Variants in PTPRC observed in about 807,000 individuals in gnomAD.
PTPRC encodes the protein receptor-type tyrosine-protein phosphatase C.
A neutral mutation model predicts 155.9 loss-of-function variants in PTPRC; 44 were observed. The observed-to-expected ratio is 0.28, with a 90% CI of 0.22 to 0.36. The LOEUF (loss-of-function observed/expected upper bound fraction) is 0.36, where lower values mean the gene tolerates loss of function less well. PTPRC is among the 10% of genes least tolerant of loss of function. The probability of loss-of-function intolerance (pLI) is 1.00; values close to 1 mark genes in which losing one functional copy is unlikely to be tolerated. For missense variants in PTPRC, 1,401 were observed against 1,564.6 expected (o/e 0.90, Z 1.76); for synonymous variants, 525 against 533.1 (o/e 0.98, Z 0.21).
rs1409313269 is a variant in PTPRC at position 198,754,423 on chromosome 1, T to G, written c.3645+19T>G. On this transcript the variant is annotated intron_variant, in intron 32 of 32. Transcript: ENST00000442510. Reference sequence around the variant, plus strand: ...CACATTCGTAAGTATCCTTCACCATTGCTTTTAACATGCTCGGAATTTTTT... The same window carrying G: ...CACATTCGTAAGTATCCTTCACCATGGCTTTTAACATGCTCGGAATTTTTT... 1.3e-5 allele frequency: 21 copies of G among 1,613,066 alleles called. No individual in the cohort carries two copies. Among genetic ancestry groups the G allele is most frequent in the Non-Finnish European group, 1.8e-5 (21 of 1,179,528 alleles).
chr1:198,714,957 G>T (rs997683216), intron 12 of PTPRC, among the ~76,000 whole-genome samples: 1 of 152,014 alleles, frequency 6.6e-6, no homozygotes, highest in Admixed American at 6.6e-5. Flanking sequence ...GGTTTAGCAG[G>T]TTTTTTTAAT....
At chr1:198,747,805 G>A (rs1320480366) in intron 26 of PTPRC, among the ~76,000 whole-genome samples, 2 of 151,826 alleles carry the variant, frequency 1.3e-5, no homozygotes, top group Non-Finnish European at 2.9e-5. Flanking sequence ...ATCAACATCG[G>A]TCTAGTGGTT....
chr1:198,649,396 C>T (rs1269301287), intron 2 of PTPRC, among the ~76,000 whole-genome samples: 1 of 151,726 alleles, frequency 6.6e-6, no homozygotes, highest in Non-Finnish European at 1.5e-5. Flanking sequence ...AAGCATAAGA[C>T]ATCAGTTGAG....
intron 6 of PTPRC, among the ~76,000 whole-genome samples, chr1:198,702,764 A>G (rs1001697623): frequency 3.2e-4 from 49 of 152,200 alleles, no homozygotes; most frequent in African/African-American, 1.2e-3. Context: ...AGAATCAATA[A>G]TAGGCCTTAA....
At chr1:198,748,087 C>CTTTT in intron 26 of PTPRC, 22 bp from the exon 27 acceptor site, 2 of 1,313,892 alleles carry the variant, frequency 1.5e-6, no homozygotes, top group East Asian at 2.6e-5. Context: ...AGGAGTTTTT[C>CTTTT]TGTTTTTTTT....
At chr1:198,727,372 C>T (rs1426600191) in intron 15 of PTPRC, among the ~76,000 whole-genome samples, 1 of 152,016 alleles carries the variant, frequency 6.6e-6, no homozygotes, top group Non-Finnish European at 1.5e-5. Context: ...GAGTAAGTTC[C>T]ATGAGGACAG....
chr1:198,671,242 C>A (rs182511693), intron 2 of PTPRC, among the ~76,000 whole-genome samples: 47 of 152,098 alleles, frequency 3.1e-4, no homozygotes, highest in African/African-American at 1.1e-3. Flanking sequence ...ACCAGTATCA[C>A]CCCCCTCACC....
chr1:198,704,671 G>C (rs947996530), intron 8 of PTPRC, among the ~76,000 whole-genome samples, 173 bp downstream of exon 8: 6 of 152,152 alleles, frequency 3.9e-5, no homozygotes, highest in African/African-American at 1.4e-4. Flanking sequence ...CATGGACATA[G>C]AGTTGGGAAT....
chr1:198,748,081 G>A, intron 26 of PTPRC, 28 bp from the exon 27 acceptor site: 1 of 1,471,508 alleles, frequency 6.8e-7, no homozygotes, highest in Non-Finnish European at 9.1e-7. Flanking sequence ...TTTTAAAGGA[G>A]TTTTTCTGTT....
chr1:198,694,137 T>A (rs1242819578), intron 3 of PTPRC: 24 of 1,539,018 alleles, frequency 1.6e-5, no homozygotes, highest in Non-Finnish European at 1.2e-5. Context: ...CACAAACCAC[T>A]GGAGTAAGTC....
intron 2 of PTPRC, among the ~76,000 whole-genome samples, chr1:198,655,518 G>A (rs1156742427): frequency 6.6e-6 from 1 of 152,104 alleles, no homozygotes; most frequent in Admixed American, 6.6e-5. Flanking sequence ...GTTGGATTAG[G>A]CATTTTGGGA....
chr1:198,657,002 T>C (rs1391992410), intron 2 of PTPRC, among the ~76,000 whole-genome samples: 1 of 150,294 alleles, frequency 6.7e-6, no homozygotes, highest in Non-Finnish European at 1.5e-5. Flanking sequence ...AACTCCACCA[T>C]AGGATGGAAT....
At chr1:198,667,874 C>T (rs978381532) in intron 2 of PTPRC, among the ~76,000 whole-genome samples, 1 of 152,050 alleles carries the variant, frequency 6.6e-6, no homozygotes, top group Non-Finnish European at 1.5e-5. Flanking sequence ...GCATTCTAGG[C>T]AGTGCACAGC....
At chr1:198,674,902 AGCT>A (rs1664861710) in intron 2 of PTPRC, among the ~76,000 whole-genome samples, 1 of 152,190 alleles carries the variant, frequency 6.6e-6, no homozygotes, top group East Asian at 1.9e-4. Context: ...ACCAAATTAC[AGCT>A]TTCATTTGAA....
rs377490765 is a variant in PTPRC, at chr1:198,754,372, C to T, written c.3613C>T (p.Arg1205Cys). 1.2e-5 allele frequency: 19 copies of T among 1,613,296 alleles called. No homozygotes were observed. The highest frequency in any genetic ancestry group is 7.7e-5 in the South Asian group (7 of 91,066). ...TATTTTTCAAGTGGTAAAAGCTCTA[C>T]GCAAAGCTAGGCCAGGCATGGTTTC... ...VDIFQVVKAL[R>C]KARPGMVSTF... The change falls in exon 32 of 33, where the codon CGC becomes TGC. Residue 1205 changes from arginine to cysteine, a missense_variant. Around this residue, in one of 3 missense-constraint regions of PTPRC, gnomAD observed 400 missense variants for 389.5 expected, o/e 1.03. Transcript: ENST00000442510.
intron 2 of PTPRC, among the ~76,000 whole-genome samples, chr1:198,678,493 G>A (rs1665088332): frequency 6.6e-6 from 1 of 152,166 alleles, no homozygotes; most frequent in African/African-American, 2.4e-5. Flanking sequence ...AATGAGCACT[G>A]CTGCCGGTCT....
At chr1:198,755,383 G>GTACT (rs1279370160) in intron 32 of PTPRC, among the ~76,000 whole-genome samples, 1 of 151,958 alleles carries the variant, frequency 6.6e-6, no homozygotes, top group African/African-American at 2.4e-5. Context: ...TCATATCTTG[G>GTACT]TACTTAAAAA....
intron 2 of PTPRC, among the ~76,000 whole-genome samples, chr1:198,648,312 C>A (rs1297272882): frequency 6.6e-6 from 1 of 151,744 alleles, no homozygotes; most frequent in Non-Finnish European, 1.5e-5. Context: ...CAAACAAATT[C>A]TTACTTTTTT....
At chr1:198,718,746 AACACT>A (rs1653728234) in intron 14 of PTPRC, among the ~76,000 whole-genome samples, 1 of 152,142 alleles carries the variant, frequency 6.6e-6, no homozygotes, top group Non-Finnish European at 1.5e-5. Flanking sequence ...CAGAATTTAA[AACACT>A]CATTATCTCA....
Sources: gnomAD v4.1 joint callset for allele counts (sites outside exome capture counted in the v4.1 genomes callset) on GRCh38, gnomAD v4.1.1 for gene constraint, gnomAD v4.1.1 regional missense constraint, MANE v1.5 for transcripts, NCBI Gene and HGNC (gene_info 2026-07-23, HGNC 2026-07-21) for gene names.